The following BYSL variants were observed in gnomAD, a reference collection of about 807,000 sequenced individuals.
The protein encoded by BYSL is bystin.
BYSL carries 21 observed loss-of-function variants against 45.4 expected under a neutral mutation model. That is an observed-to-expected ratio of 0.46 (90% CI 0.33 to 0.67). The LOEUF is 0.67. Ranked by LOEUF, BYSL falls within the 30% of genes least tolerant of loss-of-function variation. The pLI is 0.02. For missense variants in BYSL, 522 were observed against 578.5 expected (o/e 0.90, Z 1.00); for synonymous variants, 215 against 231.3 (o/e 0.93, Z 0.64).
Position 41,921,519 on chromosome 6 carries a change from T to A in BYSL, c.-44T>A, listed in dbSNP as rs1014498945. 2.0e-6 allele frequency: 3 copies of A among 1,526,076 alleles called. No individual in the cohort carries two copies. The highest frequency in any genetic ancestry group is 2.6e-6 in the Non-Finnish European group (3 of 1,136,918). 94.5% of individuals were successfully genotyped at this position (1,526,076 alleles called of 1,614,324 possible). Reference sequence around the variant, plus strand: ...CGCGCAAGCGCATCCTGGCCTTTCTTCAGTCCCCACGTGCGATCCTTCCCG... The same window carrying A: ...CGCGCAAGCGCATCCTGGCCTTTCTACAGTCCCCACGTGCGATCCTTCCCG... On this transcript the variant is annotated 5_prime_UTR_variant, in exon 1 of 7. Transcript: ENST00000230340.
chr6:41,921,591 T>TG lies in BYSL; in HGVS notation c.35dup (p.Gln13SerfsTer88), dbSNP rs768665277. On this transcript the variant is annotated frameshift_variant, in exon 1 of 7. Coordinates refer to ENST00000230340, the MANE Select transcript of BYSL (RefSeq NM_004053.4). LOFTEE classifies it high-confidence loss of function. ...CCCAAATTCAAGGCGGCCCGTGGGG[T>TG]GGGGGGTCAGGAAAAACATGCGCCC... 23 of 1,588,136 alleles carry TG rather than the reference T, an allele frequency of 1.4e-5. No homozygotes were observed. Among genetic ancestry groups the TG allele is most frequent in the African/African-American group, 2.7e-5 (2 of 73,836 alleles).
In BYSL at chr6:41,930,156, GGAGAAGCTGACT is replaced by G. The variant is rs1775617039; in HGVS notation, c.464_475del (p.Leu155_Lys158del). On this transcript the variant is annotated inframe_deletion, in exon 3 of 7. Transcript: ENST00000230340. Reference sequence around the variant, plus strand: ...GGCGCACCCTGGCTGACATCATCATGGAGAAGCTGACTGAGAAGCAGACAGAGGTTGAGACAG... The same window carrying G: ...GGCGCACCCTGGCTGACATCATCATGGAGAAGCAGACAGAGGTTGAGACAG... 1.1e-5 allele frequency: 17 copies of G among 1,614,148 alleles called. No homozygotes were observed. Among genetic ancestry groups the G allele is most frequent in the Non-Finnish European group, 1.4e-5 (17 of 1,180,014 alleles).
the BYSL span, chr6:41,909,175 A>G: frequency 8.3e-7 from 1 of 1,200,552 alleles, no homozygotes; most frequent in Non-Finnish European, 1.1e-6. Context: ...CTCTGTCTCA[A>G]AAAAAAAAAA....
chr6:41,922,782 G>C (rs1451481782), intron 1 of BYSL, among the ~76,000 whole-genome samples: 5 of 152,274 alleles, frequency 3.3e-5, no homozygotes, highest in South Asian at 4.1e-4. Context: ...TCTCCAATTT[G>C]AAATCTAACA....
chr6:41,913,081 G>A, the BYSL span: 1 of 149,962 alleles, frequency 6.7e-6, no homozygotes, highest in Non-Finnish European at 1.5e-5. Context: ...TTGCACTCCA[G>A]CCTGGGTGAC....
Position 41,921,544 on chromosome 6 carries a change from G to C in BYSL, c.-19G>C. 1.3e-6 allele frequency: 2 copies of C among 1,551,572 alleles called. No homozygotes were observed. The highest frequency in any genetic ancestry group is 1.7e-6 in the Non-Finnish European group (2 of 1,147,108). ...TCAGTCCCCACGTGCGATCCTTCCC[G>C]GCAACTTTTTCGAGAAAAATGCCCA... On this transcript the variant is annotated 5_prime_UTR_variant, in exon 1 of 7. Coordinates refer to ENST00000230340, the MANE Select transcript of BYSL (RefSeq NM_004053.4).
the BYSL span, chr6:41,909,058 C>T: frequency 1.6e-6 from 1 of 620,872 alleles, no homozygotes; most frequent in Non-Finnish European, 2.7e-6. Context: ...GGTGTAGTCC[C>T]AGGTACTTGG....
At chr6:41,924,098 G>A (rs1211926759) in intron 1 of BYSL, among the ~76,000 whole-genome samples, 4 of 146,654 alleles carry the variant, frequency 2.7e-5, no homozygotes, top group Admixed American at 6.9e-5. Context: ...GTCTCGCTCC[G>A]TCACCCAGGC....
intron 3 of BYSL, 98 bp from the exon 4 acceptor site, chr6:41,930,537 A>C: frequency 7.0e-7 from 1 of 1,437,594 alleles, no homozygotes; most frequent in Non-Finnish European, 9.4e-7. Flanking sequence ...TGGGGATGCA[A>C]TGAGTTAATA....
At chr6:41,917,747 C>T, upstream of BYSL, 1 of 471,012 alleles carries the variant, frequency 2.1e-6, no homozygotes, top group South Asian at 1.5e-5. Flanking sequence ...TCTTTCAGTT[C>T]TGACTACATC....
At chr6:41,931,577 A>G in intron 5 of BYSL, 21 bp downstream of exon 5, 1 of 1,614,106 alleles carries the variant, frequency 6.2e-7, no homozygotes, top group Non-Finnish European at 8.5e-7. Flanking sequence ...AGAGGCACGG[A>G]AGAAAGGGAA....
chr6:41,929,527 C>A (rs773121397), intron 2 of BYSL, among the ~76,000 whole-genome samples: 1 of 152,138 alleles, frequency 6.6e-6, no homozygotes, highest in Non-Finnish European at 1.5e-5. Flanking sequence ...ACTTCAGCAG[C>A]CTCTGAAGAT....
the BYSL span, among the ~76,000 whole-genome samples, chr6:41,911,532 G>A: frequency 6.6e-6 from 1 of 151,984 alleles, no homozygotes; most frequent in African/African-American, 2.4e-5. Context: ...TTCGGAAAAA[G>A]GAAAGACTTC....
the BYSL span, among the ~76,000 whole-genome samples, chr6:41,912,666 A>AT: frequency 6.6e-6 from 1 of 151,974 alleles, no homozygotes; most frequent in East Asian, 1.9e-4. Context: ...CGACAATCGT[A>AT]TTTTCTATCA....
At chr6:41,915,554 G>A in the BYSL span, among the ~76,000 whole-genome samples, 3 of 152,188 alleles carry the variant, frequency 2.0e-5, no homozygotes, top group Admixed American at 2.0e-4. Flanking sequence ...TCGGGAGGCC[G>A]AGGCGGGTGG....
upstream of BYSL, among the ~76,000 whole-genome samples, chr6:41,920,425 C>T (rs1354950826): frequency 6.6e-6 from 1 of 152,164 alleles, no homozygotes; most frequent in Non-Finnish European, 1.5e-5. Context: ...ACCCTGTCTG[C>T]AGGTGGGTCA....
At chr6:41,923,469 G>A (rs1281549169) in intron 1 of BYSL, among the ~76,000 whole-genome samples, 2 of 152,074 alleles carry the variant, frequency 1.3e-5, no homozygotes, top group Non-Finnish European at 2.9e-5. Flanking sequence ...GTTAATTTTT[G>A]TATTTTCAGT....
intron 4 of BYSL, 30 bp from the exon 5 acceptor site, chr6:41,931,366 T>C: frequency 6.2e-7 from 1 of 1,613,376 alleles, no homozygotes; most frequent in Non-Finnish European, 8.5e-7. Context: ...TCGTGTGAGT[T>C]GGAAACTTCC....
chr6:41,911,108 A>C, the BYSL span, among the ~76,000 whole-genome samples: 1 of 97,288 alleles, frequency 1.0e-5, no homozygotes, highest in Non-Finnish European at 2.7e-5. Flanking sequence ...CTCCATCTCA[A>C]AAAAAAAAAA....
Sources: gnomAD v4.1 joint callset for allele counts (sites outside exome capture counted in the v4.1 genomes callset) on GRCh38, gnomAD v4.1.1 for gene constraint, MANE v1.5 for transcripts, NCBI Gene and HGNC (gene_info 2026-07-23, HGNC 2026-07-21) for gene names.